Variants in IL18BP observed in about 807,000 individuals in gnomAD.
IL18BP encodes interleukin-18-binding protein.
In IL18BP, 23 loss-of-function variants were observed where a neutral mutation model predicts 19.9. That is an observed-to-expected ratio of 1.15 (90% CI 0.83 to 1.64). IL18BP has a LOEUF of 1.64. Among genes scored for constraint, IL18BP ranks in the 40% most tolerant of loss-of-function variants. The pLI is 0.00. For synonymous variants in IL18BP, 107 were observed against 101.0 expected, an observed-to-expected ratio of 1.06 and a Z score of -0.35; for missense variants, 239 against 240.7, an observed-to-expected ratio of 0.99 and a Z score of 0.05.
At chr11:72,007,883 C>A (rs949938331), downstream of IL18BP, 30 of 350,856 alleles carry the variant, frequency 8.6e-5, no homozygotes, top group Non-Finnish European at 1.5e-4. Context: ...ACACCCCACT[C>A]CATGCTCATG....
At chr11:72,003,939 G>C, downstream of IL18BP, 1 of 1,613,548 alleles carries the variant, frequency 6.2e-7, no homozygotes, top group African/African-American at 1.3e-5. Context: ...GGCGGCGCTG[G>C]CTGTGGTGGT....
At chr11:72,004,576 C>A (rs369545792), downstream of IL18BP, 2 of 1,532,056 alleles carry the variant, frequency 1.3e-6, no homozygotes, top group Non-Finnish European at 1.8e-6. Context: ...CCCTTTAGTC[C>A]TTGGTGAGCT....
downstream of IL18BP, chr11:72,005,574 G>C (rs1417049638): frequency 1.8e-6 from 1 of 562,516 alleles, no homozygotes; most frequent in East Asian, 3.1e-5. Context: ...TCCCTGGAGA[G>C]GGCAGAAGAG....
chr11:72,004,536 G>A (rs147980089), downstream of IL18BP: 17 of 1,307,438 alleles, frequency 1.3e-5, no homozygotes, highest in Middle Eastern at 2.2e-4. Context: ...GGGAAAGAGA[G>A]GGGGAAGTGA....
chr11:72,006,551 G>A (rs1955724953), downstream of IL18BP, among the ~76,000 whole-genome samples: 1 of 152,178 alleles, frequency 6.6e-6, no homozygotes, highest in Admixed American at 6.5e-5. Context: ...TGGAGATGAA[G>A]TGCAAAGAAA....
At chr11:72,003,098 T>C (rs1955372289), downstream of IL18BP, 2 of 258,834 alleles carry the variant, frequency 7.7e-6, no homozygotes, top group African/African-American at 2.2e-5. Flanking sequence ...GACCCAGTCC[T>C]GGACTTCAAG....
downstream of IL18BP, among the ~76,000 whole-genome samples, chr11:72,006,550 A>G (rs142113881): frequency 4.6e-5 from 7 of 152,290 alleles, no homozygotes; most frequent in Non-Finnish European, 1.0e-4. Context: ...TTGGAGATGA[A>G]GTGCAAAGAA....
chr11:72,004,967 G>T, downstream of IL18BP: 2 of 867,660 alleles, frequency 2.3e-6, no homozygotes, highest in Admixed American at 3.2e-5. Context: ...CTCCTTTCCT[G>T]TTCTGCTTTC....
downstream of IL18BP, among the ~76,000 whole-genome samples, chr11:72,006,489 T>C (rs1269286962): frequency 1.3e-5 from 2 of 151,854 alleles, no homozygotes; most frequent in Admixed American, 1.3e-4. Context: ...TTTCATGGAG[T>C]CTATTCATAA....
downstream of IL18BP, chr11:72,006,007 G>C: frequency 2.6e-6 from 4 of 1,536,814 alleles, no homozygotes; most frequent in South Asian, 2.3e-5. Context: ...TAATTTTGGG[G>C]TATAGTAAGT....
chr11:72,007,767 A>T, downstream of IL18BP: 8 of 392,530 alleles, frequency 2.0e-5, no homozygotes, highest in South Asian at 1.9e-4. Context: ...ATTTCAGTGA[A>T]TAGGAACGCC....
rs1419393059 is a variant in IL18BP, at chr11:72,002,483, CTG to C, written c.*626_*627del. 1 of 154,770 alleles carries C rather than the reference CTG, an allele frequency of 6.5e-6. No individual in the cohort carries two copies. Among genetic ancestry groups the C allele is most frequent in the African/African-American group, 2.4e-5 (1 of 41,418 alleles). The allele number at this position is 154,770 out of a possible 1,614,324, so 9.6% of individuals were successfully genotyped here. On this transcript the variant is annotated 3_prime_UTR_variant, in exon 6 of 6. Transcript: ENST00000393703. ...CAGCTGCTTCGGATCCACACTGTAT[CTG>C]TGTCATCCCCACATGGGTCCTCATA...
rs5743667 is a variant in IL18BP at position 72,000,255 on chromosome 11, G to A, written c.29-96G>A. 5.1e-3 allele frequency: 6,016 copies of A among 1,170,470 alleles called. 217 individuals are homozygous for A. In the African/African-American group the frequency reaches 0.081, roughly 16 times the overall value. 72.5% of individuals were successfully genotyped at this position (1,170,470 alleles called of 1,614,324 possible). A position where few individuals can be genotyped will look rare whatever the true frequency, so the allele number is the denominator to read the frequency against. On this transcript the variant is annotated intron_variant, in intron 2 of 5. Coordinates refer to ENST00000393703, the MANE Select transcript of IL18BP (RefSeq NM_001039660.2). ...TCCCTCTTCCCGCTCTGATTCCCTG[G>A]CTAGAACCCAGACATCTCTGGGCTG...
intron 3 of IL18BP, among the ~76,000 whole-genome samples, 183 bp from the exon 4 acceptor site, chr11:72,001,018 G>A (rs1955190365): frequency 6.6e-6 from 1 of 152,214 alleles, no homozygotes; most frequent in African/African-American, 2.4e-5. Flanking sequence ...CGTGTTTAGG[G>A]CTAGGGCCTC....
chr11:71,999,197 G>A, intron 1 of IL18BP, 178 bp downstream of exon 1: 1 of 505,840 alleles, frequency 2.0e-6, no homozygotes, highest in African/African-American at 1.9e-5. Flanking sequence ...ATGGCATTGA[G>A]CCTGAAGTGG....
downstream of IL18BP, chr11:72,003,832 G>C (rs547430538): frequency 5.7e-6 from 9 of 1,574,610 alleles, no homozygotes; most frequent in South Asian, 7.8e-5. Flanking sequence ...GGGCGGTCTG[G>C]GGGGTGCCCA....
intron 3 of IL18BP, 79 bp from the exon 4 acceptor site, chr11:72,001,122 C>G: frequency 6.4e-7 from 1 of 1,566,208 alleles, no homozygotes; most frequent in Non-Finnish European, 8.7e-7. Context: ...CTGGGGGGAG[C>G]TGGCAGGGAG....
rs777785019 is a variant in IL18BP, at chr11:72,001,249, T to G, written c.284T>G (p.Phe95Cys). The change falls in exon 4 of 6, where the codon TTC (phenylalanine) becomes TGC (cysteine). Residue 95 changes from phenylalanine to cysteine, a missense_variant. Transcript: ENST00000393703. ...GTGGCCTGCAGCCGCTTCCCCAACT[T>G]CAGCATCCTCTACTGGCTGGGCAAT... ...SCVACSRFPN[F>C]SILYWLGNGS... is the part of the protein sequence containing the mutation. 1.9e-6 allele frequency: 3 copies of G among 1,614,100 alleles called. No homozygotes were observed. The highest frequency in any genetic ancestry group is 2.5e-6 in the Non-Finnish European group (3 of 1,180,014).
At chr11:72,000,599 G>T in intron 3 of IL18BP, 42 bp downstream of exon 3, 2 of 1,560,656 alleles carry the variant, frequency 1.3e-6, no homozygotes, top group Non-Finnish European at 1.7e-6. Flanking sequence ...GGGCACAGAG[G>T]TTCCCAGGGT....
Sources: allele counts gnomAD v4.1 joint callset (sites outside exome capture counted in the v4.1 genomes callset), GRCh38; gene constraint gnomAD v4.1.1; transcripts MANE v1.5; gene names NCBI Gene and HGNC (gene_info 2026-07-23, HGNC 2026-07-21).